The following HIPK2 variants were observed in gnomAD, a reference collection of about 807,000 sequenced individuals.
HIPK2 encodes the protein homeodomain-interacting protein kinase 2.
In HIPK2, 27 loss-of-function variants were observed where a neutral mutation model predicts 113.7. The observed-to-expected ratio is 0.24, with a 90% CI of 0.17 to 0.33. HIPK2 has a LOEUF of 0.33. Ranked by LOEUF, HIPK2 falls within the 10% of genes least tolerant of loss-of-function variation. HIPK2 has a pLI of 1.00. For missense variants in HIPK2, 1,257 were observed against 1,588.0 expected (o/e 0.79, Z 3.54); for synonymous variants, 631 against 642.2 (o/e 0.98, Z 0.26).
intron 14 of HIPK2, among the ~76,000 whole-genome samples, chr7:139,574,557 T>C (rs914786787): frequency 1.3e-5 from 2 of 152,166 alleles, no homozygotes; most frequent in Non-Finnish European, 2.9e-5. Context: ...TCTCACTTTG[T>C]TTCTAGAGAA....
At chr7:139,666,775 C>T (rs916009201) in intron 2 of HIPK2, among the ~76,000 whole-genome samples, 1 of 152,188 alleles carries the variant, frequency 6.6e-6, no homozygotes, top group Non-Finnish European at 1.5e-5. Context: ...AAAAAATCCA[C>T]ATTCTGGCTG....
intron 2 of HIPK2, among the ~76,000 whole-genome samples, chr7:139,700,808 A>C (rs1003823829): frequency 2.2e-4 from 33 of 152,238 alleles, no homozygotes; most frequent in African/African-American, 6.5e-4. Context: ...CTCTCCAAAG[A>C]AGCCCCAGCA....
chr7:139,666,816 A>T (rs1409925541), intron 2 of HIPK2, among the ~76,000 whole-genome samples: 1 of 152,232 alleles, frequency 6.6e-6, no homozygotes, highest in Non-Finnish European at 1.5e-5. Flanking sequence ...TAATCCTAGC[A>T]GTTTGGGAGG....
chr7:139,587,930 A>AT (rs1434203574), intron 12 of HIPK2, among the ~76,000 whole-genome samples: 5 of 152,118 alleles, frequency 3.3e-5, no homozygotes. Context: ...TGACACCTGT[A>AT]ATTAGCACTT....
intron 9 of HIPK2, among the ~76,000 whole-genome samples, chr7:139,607,868 A>C (rs941918754): frequency 6.6e-6 from 1 of 152,148 alleles, no homozygotes; most frequent in Non-Finnish European, 1.5e-5. Context: ...AATGGAAAAA[A>C]AAATCCATAA....
rs183987259 is a variant in HIPK2, at chr7:139,630,823, C to T, written c.1347+342G>A. The stretch of plus-strand genomic sequence containing the variant: ...GGAACAGGGCCCTTACTACAGTGGG[C>T]GGGAGCTTGTGGCACATGGTCCTGT... On this transcript the variant is annotated intron_variant, in intron 4 of 14. Transcript: ENST00000406875. This position sits in a 1 kb window ranked among gnomAD's most constrained non-coding sequence, Gnocchi z 4.0. 1.3e-3 allele frequency among the ~76,000 whole-genome samples: 201 copies of T among 152,304 alleles called. No individual in the cohort carries two copies. The highest frequency in any genetic ancestry group is 2.2e-3 in the Non-Finnish European group (149 of 68,016).
Position 139,610,853 on chromosome 7 carries a change from C to T in HIPK2, c.2112+2349G>A, listed in dbSNP as rs73156850. 8.3e-3 allele frequency among the ~76,000 whole-genome samples: 1,263 copies of T among 152,322 alleles called. 10 individuals carry two copies. The highest frequency in any genetic ancestry group is 0.017 in the Middle Eastern group (5 of 294). On this transcript the variant is annotated intron_variant, in intron 9 of 14. Coordinates refer to ENST00000406875, the MANE Select transcript of HIPK2 (RefSeq NM_022740.5). ...GTAACAACAGGCAGAACCTAAGTGC[C>T]TGGATTGAGGCGAGTGAATGGAATT...
intron 1 of HIPK2, among the ~76,000 whole-genome samples, chr7:139,743,524 C>G (rs1796140802): frequency 6.6e-6 from 1 of 152,334 alleles, no homozygotes; most frequent in South Asian, 2.1e-4. Flanking sequence ...ATGCAGGTGT[C>G]CATAGCACAG....
At position 139,669,753 on chromosome 7, in the gene HIPK2, A is replaced by G. The variant is rs987893726; in HGVS notation, c.1104-38028T>C. Reference sequence around the variant, plus strand: ...AAAAACTACAATTACGCTAGGCTACATCAATTATCATGGAATAAAAAGATT... The same window carrying G: ...AAAAACTACAATTACGCTAGGCTACGTCAATTATCATGGAATAAAAAGATT... On this transcript the variant is annotated intron_variant, in intron 2 of 14. Transcript: ENST00000406875. 2.6e-5 allele frequency among the ~76,000 whole-genome samples: 4 copies of G among 152,358 alleles called. No homozygotes were observed. The South Asian group carries it at 8.3e-4, about 32-fold the overall frequency.
At chr7:139,668,479 G>A (rs28620115) in intron 2 of HIPK2, among the ~76,000 whole-genome samples, 4,561 of 151,376 alleles carry the variant, frequency 0.03, 212 homozygotes, top group African/African-American at 0.1. Context: ...GGAGAATGGC[G>A]TGAACCCGGG....
chr7:139,653,985 G>A (rs962839469), intron 2 of HIPK2, among the ~76,000 whole-genome samples: 12 of 151,984 alleles, frequency 7.9e-5, no homozygotes, highest in Non-Finnish European at 1.2e-4. Context: ...TGCCTGCCTC[G>A]GCCTCCCAAA....
chr7:139,640,534 G>A (rs1326555136), intron 2 of HIPK2, among the ~76,000 whole-genome samples: 4 of 152,172 alleles, frequency 2.6e-5, no homozygotes, highest in Non-Finnish European at 5.9e-5. Flanking sequence ...CATCATAGGG[G>A]GGCACCTTGC....
intron 2 of HIPK2, among the ~76,000 whole-genome samples, chr7:139,637,744 G>A (rs923476093): frequency 6.6e-6 from 1 of 152,194 alleles, no homozygotes; most frequent in Non-Finnish European, 1.5e-5. Flanking sequence ...ATAAGAAAGT[G>A]TTAAAATATG....
chr7:139,716,124 A>C lies in HIPK2; in HGVS notation c.911T>G (p.Val304Gly). The C allele has an allele frequency of 6.2e-7, 1 of 1,614,080 alleles. No individual in the cohort carries two copies. The highest frequency in any genetic ancestry group is 8.5e-7 in the Non-Finnish European group (1 of 1,179,936). ...SPLPLKYIRPVLQQVATALMK... is the reference protein window; with the variant it reads ...SPLPLKYIRPGLQQVATALMK... Reference sequence around the variant, plus strand: ...CAGGGCTGTGGCTACCTGCTGGAGAACTGGGCGAATGTATTTGAGGGGCAA... The same window carrying C: ...CAGGGCTGTGGCTACCTGCTGGAGACCTGGGCGAATGTATTTGAGGGGCAA... The change falls in exon 2 of 15, where the codon GTT (valine) becomes GGT (glycine). Residue 304 changes from valine (V) to glycine (G), a missense_variant. Physicochemically the swap from Val to Gly is moderately radical, Grantham distance 109. Coordinates refer to ENST00000406875, the MANE Select transcript of HIPK2 (RefSeq NM_022740.5). The surrounding 1 kb of genome is among the most constrained non-coding windows in gnomAD (Gnocchi z 9.3).
chr7:139,575,700 T>C (rs905091498), intron 13 of HIPK2, among the ~76,000 whole-genome samples: 15 of 152,232 alleles, frequency 9.9e-5, no homozygotes, highest in Non-Finnish European at 1.9e-4. Context: ...TAGTCCCCAG[T>C]GCAAGTGTTT....
At position 139,711,703 on chromosome 7, in the gene HIPK2, CTGA is replaced by C. The variant is rs1795073617; in HGVS notation, c.1103+4226_1103+4228del. 4.0e-5 allele frequency among the ~76,000 whole-genome samples: 6 copies of C among 151,604 alleles called. No individual in the cohort carries two copies. The South Asian group carries it at 1.0e-3, about 26-fold the overall frequency. On this transcript the variant is annotated intron_variant, in intron 2 of 14. Coordinates refer to ENST00000406875, the MANE Select transcript of HIPK2 (RefSeq NM_022740.5). ...TCTTATTTGTAGTTTACTGGTTCTG[CTGA>C]TAATGGAAATACCCCAGTACCAATT...
chr7:139,619,004 G>A (rs1800149590), intron 7 of HIPK2, among the ~76,000 whole-genome samples: 2 of 152,272 alleles, frequency 1.3e-5, no homozygotes, highest in East Asian at 1.9e-4. Context: ...GTTAGTTTTC[G>A]GACTCCCAAC....
intron 1 of HIPK2, among the ~76,000 whole-genome samples, chr7:139,765,135 C>CA (rs113415401): frequency 0.15 from 19,518 of 130,080 alleles, 2,234 homozygotes; most frequent in Admixed American, 0.3. Flanking sequence ...GACTCTGTCT[C>CA]AAAAAAAAAA....
At chr7:139,742,515 T>C (rs551583058) in intron 1 of HIPK2, among the ~76,000 whole-genome samples, 2 of 152,336 alleles carry the variant, frequency 1.3e-5, no homozygotes, top group Non-Finnish European at 2.9e-5. Flanking sequence ...TCTTTTTTTT[T>C]TCTCCATACA....
Sources: allele counts gnomAD v4.1 joint callset (sites outside exome capture counted in the v4.1 genomes callset), GRCh38; gene constraint gnomAD v4.1.1; non-coding constraint Gnocchi (gnomAD v3.1); transcripts MANE v1.5; gene names NCBI Gene and HGNC (gene_info 2026-07-23, HGNC 2026-07-21).